USP4: variants seen among roughly 807,000 people sequenced by gnomAD.
USP4 encodes the protein ubiquitin specific peptidase 4.
Under a neutral mutation model 118.2 loss-of-function variants are expected in USP4, and 72 were observed. The observed-to-expected ratio is 0.61, with a 90% CI of 0.50 to 0.74. The LOEUF (loss-of-function observed/expected upper bound fraction) is 0.74. Ranked by LOEUF, USP4 falls within the 30% of genes least tolerant of loss-of-function variation. USP4 has a pLI of 0.00. For missense variants in USP4, 1,037 were observed against 1,185.7 expected, an observed-to-expected ratio of 0.87 and a Z score of 1.84; for synonymous variants, 415 against 440.4, an observed-to-expected ratio of 0.94 and a Z score of 0.72.
chr3:49,278,169 C>G lies in USP4; in HGVS notation c.*124G>C. On this transcript the variant is annotated 3_prime_UTR_variant, in exon 22 of 22. Coordinates refer to ENST00000265560, the MANE Select transcript of USP4 (RefSeq NM_003363.4). ...TTTTTTTTTTTTGTTTCCTTCTGCT[C>G]ATAAAAGAAGGGTATTTCCTTGTCT... 1 of 1,035,596 alleles carries G rather than the reference C, an allele frequency of 9.7e-7. No individual in the cohort carries two copies. Among genetic ancestry groups the G allele is most frequent in the Non-Finnish European group, 1.3e-6 (1 of 757,488 alleles). 64.2% of individuals were successfully genotyped at this position (1,035,596 alleles called of 1,614,324 possible).
intron 6 of USP4, among the ~76,000 whole-genome samples, chr3:49,323,216 C>G (rs1034624545): frequency 6.6e-6 from 1 of 150,642 alleles, no homozygotes; most frequent in Non-Finnish European, 1.5e-5. Flanking sequence ...AGCCGCCCAC[C>G]TCGGCCTCCC....
At chr3:49,299,493 C>G (rs13077723) in intron 11 of USP4, among the ~76,000 whole-genome samples, 27,706 of 150,698 alleles carry the variant, frequency 0.18, 2,763 homozygotes, top group African/African-American at 0.24. Context: ...CCCGGGTTCA[C>G]GCCATTCTCC....
At chr3:49,286,067 C>T (rs746934295) in intron 16 of USP4, 31 bp downstream of exon 16, 1 of 1,604,712 alleles carries the variant, frequency 6.2e-7, no homozygotes. Flanking sequence ...GACCCTAAAG[C>T]CCAGCTTGAA....
chr3:49,278,342 G>T lies in USP4; in HGVS notation c.2843C>A (p.Ser948Tyr). The T allele has an allele frequency of 6.2e-7, 1 of 1,614,138 alleles. No homozygotes were observed. The highest frequency in any genetic ancestry group is 8.5e-7 in the Non-Finnish European group (1 of 1,180,046). The change falls in exon 22 of 22, where the codon TCT (serine) becomes TAT (tyrosine). Residue 948 changes from serine to tyrosine, a missense_variant. Around this residue, in one of 3 missense-constraint regions of USP4, gnomAD observed 522 missense variants for 592.6 expected, o/e 0.88. Transcript: ENST00000265560. ...CTCATCATCCCCAAAGCCCTGCTGAGAGCTGCTTGGTCGTGTCCCTCCATC... is the reference window on the plus strand; with the variant it reads ...CTCATCATCCCCAAAGCCCTGCTGATAGCTGCTTGGTCGTGTCCCTCCATC... ...SSDGGTRPSSSQQGFGDDEAC... is the reference protein window; with the variant it reads ...SSDGGTRPSSYQQGFGDDEAC...
chr3:49,313,790 ATCAATT>A, intron 6 of USP4: 1 of 152,326 alleles, frequency 6.6e-6, no homozygotes, highest in Admixed American at 6.5e-5. Context: ...TTAAATTGCT[ATCAATT>A]TCATCAATCT....
chr3:49,280,127 G>A (rs1445276220), intron 20 of USP4, among the ~76,000 whole-genome samples: 1 of 152,100 alleles, frequency 6.6e-6, no homozygotes, highest in African/African-American at 2.4e-5. Flanking sequence ...GCCAGGTGTG[G>A]TGGCGCACAC....
chr3:49,320,705 C>A (rs2047490155), intron 6 of USP4, among the ~76,000 whole-genome samples: 2 of 152,312 alleles, frequency 1.3e-5, no homozygotes, highest in Admixed American at 6.5e-5. Context: ...TATTAGACTT[C>A]ACTGAATTTA....
intron 10 of USP4, 140 bp from the exon 11 acceptor site, chr3:49,300,831 C>T (rs1289848887): frequency 4.2e-6 from 3 of 712,538 alleles, no homozygotes; most frequent in Non-Finnish European, 7.0e-6. Context: ...CAAACAAGGC[C>T]AGGACTACTC....
At chr3:49,318,746 TA>T in intron 6 of USP4, 1 of 377,662 alleles carries the variant, frequency 2.6e-6, no homozygotes, top group Non-Finnish European at 3.6e-6. Flanking sequence ...CCATCTCTAC[TA>T]AAAATACAAA....
At chr3:49,298,954 TTTTTA>T (rs1413289990) in intron 11 of USP4, among the ~76,000 whole-genome samples, 4 of 152,190 alleles carry the variant, frequency 2.6e-5, no homozygotes, top group Non-Finnish European at 5.9e-5. Context: ...TGGTCCTACC[TTTTTA>T]TTTTATTTTT....
At chr3:49,330,723 G>A (rs551321164) in intron 2 of USP4, among the ~76,000 whole-genome samples, 1 of 152,048 alleles carries the variant, frequency 6.6e-6, no homozygotes, top group South Asian at 2.1e-4. Flanking sequence ...GAGGCTGGAG[G>A]CCGGAGGCCG....
intron 14 of USP4, 24 bp from the exon 15 acceptor site, chr3:49,292,622 A>G (rs772150448): frequency 7.7e-5 from 115 of 1,486,102 alleles, no homozygotes; most frequent in Non-Finnish European, 8.4e-5. Flanking sequence ...AAAAGAGAAG[A>G]AAAAAAAGAT....
In USP4 at chr3:49,294,564, C is replaced by T; in HGVS notation, c.1726G>A (p.Glu576Lys). The T allele has an allele frequency of 6.2e-7, 1 of 1,614,134 alleles. No individual in the cohort carries two copies. Among genetic ancestry groups the T allele is most frequent in the Non-Finnish European group, 8.5e-7 (1 of 1,180,018 alleles). Residue 576 changes from glutamate to lysine, a missense_variant, in exon 14 of 22, where the codon GAA (glutamate) becomes AAA (lysine). Glu to Lys is a moderately conservative substitution (Grantham distance 56). Transcript: ENST00000265560. Reference protein sequence around the residue: ...EVCSTSVDGSECVTLPVYFRE... With the variant: ...EVCSTSVDGSKCVTLPVYFRE... Reference sequence around the variant, plus strand: ...AAGTAGACTGGAAGCGTGACACATTCCGAGCCATCCACGGAAGTGCTGCAG... The same window carrying T: ...AAGTAGACTGGAAGCGTGACACATTTCGAGCCATCCACGGAAGTGCTGCAG...
At chr3:49,320,360 T>C (rs1399225809) in intron 6 of USP4, among the ~76,000 whole-genome samples, 1 of 152,192 alleles carries the variant, frequency 6.6e-6, no homozygotes. Flanking sequence ...GAGAATTGCT[T>C]GAACCTGGGA....
rs200329791 is a variant in USP4 at position 49,311,694 on chromosome 3, C to A, written c.696-40G>T. ...CAGAAACAATGCTACTGACTTTTTG[C>A]AAAGAGCAAGCCCTATTTAATGCCT... On this transcript the variant is annotated intron_variant, in intron 6 of 21. Transcript: ENST00000265560. The A allele has an allele frequency of 2.4e-5, 39 of 1,608,880 alleles. 1 individual carries two copies. Among genetic ancestry groups the A allele is most frequent in the Non-Finnish European group, 3.1e-5 (37 of 1,177,466 alleles).
At chr3:49,303,150 T>C (rs532540856) in intron 9 of USP4, among the ~76,000 whole-genome samples, 2 of 152,174 alleles carry the variant, frequency 1.3e-5, no homozygotes, top group South Asian at 2.1e-4. Context: ...ATGCATCCTA[T>C]GGAGAACCAG....
intron 2 of USP4, among the ~76,000 whole-genome samples, chr3:49,328,632 G>C (rs1185109121): frequency 6.6e-6 from 1 of 152,014 alleles, no homozygotes; most frequent in Non-Finnish European, 1.5e-5. Context: ...GGCTGAGGCA[G>C]GCAGATCACT....
At chr3:49,330,283 G>A (rs2047601865) in intron 2 of USP4, among the ~76,000 whole-genome samples, 1 of 152,220 alleles carries the variant, frequency 6.6e-6, no homozygotes, top group South Asian at 2.1e-4. Flanking sequence ...ATCTCCTCAT[G>A]CATCTCCATC....
chr3:49,316,883 G>C (rs1345500335), intron 6 of USP4: 1 of 600,560 alleles, frequency 1.7e-6, no homozygotes, highest in African/African-American at 1.9e-5. Flanking sequence ...CCTCCCCATA[G>C]CCTGTGTGAG....
Sources: gnomAD v4.1 joint callset for allele counts (sites outside exome capture counted in the v4.1 genomes callset) on GRCh38, gnomAD v4.1.1 for gene constraint, gnomAD v4.1.1 regional missense constraint, MANE v1.5 for transcripts, NCBI Gene and HGNC (gene_info 2026-07-23, HGNC 2026-07-21) for gene names.